LAMB1: variants seen among roughly 807,000 people sequenced by gnomAD.
LAMB1 encodes the protein laminin subunit beta-1.
In LAMB1, 121 loss-of-function variants were observed where a neutral mutation model predicts 222.3. That is an observed-to-expected ratio of 0.54 (90% CI 0.47 to 0.63). LAMB1 has a LOEUF of 0.63. Among genes scored for constraint, LAMB1 ranks in the 30% least tolerant of loss-of-function variants. LAMB1 has a pLI of 0.00. For synonymous variants in LAMB1, 794 were observed against 807.2 expected (o/e 0.98, Z 0.28); for missense variants, 2,172 against 2,240.8 (o/e 0.97, Z 0.62).
In LAMB1 at chr7:107,991,587, T is replaced by G. The variant is rs1459883558; in HGVS notation, c.423+3300A>C. 6.3e-5 allele frequency among the ~76,000 whole-genome samples: 8 copies of G among 127,410 alleles called. No homozygotes were observed. In the East Asian group the frequency reaches 1.9e-3, roughly 29 times the overall value. 83.6% of individuals were successfully genotyped at this position (127,410 alleles called of 152,430 possible). On this transcript the variant is annotated intron_variant, in intron 5 of 33. Coordinates refer to ENST00000222399, the MANE Select transcript of LAMB1 (RefSeq NM_002291.3). ...GGGCAACAAGAGTGAAACTCCATCCTCAAAAAAAAAAAAAAAATTACTAAA... is the reference window on the plus strand; with the variant it reads ...GGGCAACAAGAGTGAAACTCCATCCGCAAAAAAAAAAAAAAAATTACTAAA...
At chr7:107,940,674 GATCA>G in intron 24 of LAMB1, 1 of 282,692 alleles carries the variant, frequency 3.5e-6, no homozygotes, top group Non-Finnish European at 6.8e-6. Context: ...GGAACTCAGA[GATCA>G]GAGAGATTAT....
In LAMB1 at chr7:107,937,090, C is replaced by T. The variant is rs757183121; in HGVS notation, c.3946+3G>A. 1.9e-6 allele frequency: 3 copies of T among 1,612,278 alleles called. No individual in the cohort carries two copies. Among genetic ancestry groups the T allele is most frequent in the East Asian group, 2.2e-5 (1 of 44,838 alleles). On this transcript the variant is annotated splice_donor_region_variant and intron_variant, in intron 26 of 33. Coordinates refer to ENST00000222399, the MANE Select transcript of LAMB1 (RefSeq NM_002291.3). ...GGGACTATTTGCACCAAAAAATGCT[C>T]ACCCCGAATATCTGAGTTTTTGATA...
intron 13 of LAMB1, among the ~76,000 whole-genome samples, chr7:107,969,107 T>A (rs952712637): frequency 3.9e-5 from 6 of 151,918 alleles, no homozygotes; most frequent in African/African-American, 1.5e-4. Context: ...GCTAACACGG[T>A]GAAACCCCAT....
chr7:107,941,465 A>AT (rs1304073763), intron 24 of LAMB1, among the ~76,000 whole-genome samples: 7 of 152,060 alleles, frequency 4.6e-5, no homozygotes, highest in Admixed American at 2.0e-4. Context: ...ATCTTAAACC[A>AT]TTTTTCGTTT....
At chr7:108,002,499 G>A in intron 2 of LAMB1, 1 of 1,161,720 alleles carries the variant, frequency 8.6e-7, no homozygotes, top group Non-Finnish European at 1.1e-6. Flanking sequence ...TGGATTTTTG[G>A]AGAGCCCTCC....
At chr7:107,940,628 G>A (rs2032959170) in intron 24 of LAMB1, 2 of 426,802 alleles carry the variant, frequency 4.7e-6, no homozygotes, top group Non-Finnish European at 8.6e-6. Context: ...AACCCTATGG[G>A]ATACGTGTTA....
In LAMB1 at chr7:107,953,537, G is replaced by T; in HGVS notation, c.3072C>A (p.Asp1024Glu). The T allele has an allele frequency of 6.2e-7, 1 of 1,611,972 alleles. No individual in the cohort carries two copies. Among genetic ancestry groups the T allele is most frequent in the Middle Eastern group, 1.7e-4 (1 of 6,052 alleles). ...FGYYGDALQQDCRKCVCNYLG... is the reference protein window; with the variant it reads ...FGYYGDALQQECRKCVCNYLG... ...AATAAATGTGCATCTTACTTCGACA[G>T]TCCTGCTGGAGGGCATCACCATAGT... The change falls in exon 22 of 34, where the codon GAC (aspartate) becomes GAA (glutamate). Residue 1024 changes from aspartate (D) to glutamate (E), a missense_variant. Asp to Glu is a conservative substitution (Grantham distance 45, BLOSUM62 2). Transcript: ENST00000222399.
chr7:107,940,365 G>A lies in LAMB1; in HGVS notation c.3392-7C>T, dbSNP rs746966860. On this transcript the variant is annotated splice_region_variant and splice_polypyrimidine_tract_variant and intron_variant, in intron 24 of 33. Transcript: ENST00000222399. Reference sequence around the variant, plus strand: ...CTGGGGTCACAGTCACAGGCTAGAAGGGAATAAGCAATGCTAGCTGATCTA... The same window carrying A: ...CTGGGGTCACAGTCACAGGCTAGAAAGGAATAAGCAATGCTAGCTGATCTA... 6.8e-6 allele frequency: 11 copies of A among 1,606,794 alleles called. No homozygotes were observed. Among genetic ancestry groups the A allele is most frequent in the Non-Finnish European group, 5.1e-6 (6 of 1,174,032 alleles).
chr7:107,949,091 AAG>A (rs1330572294), intron 24 of LAMB1, among the ~76,000 whole-genome samples: 1 of 152,208 alleles, frequency 6.6e-6, no homozygotes, highest in African/African-American at 2.4e-5. Context: ...GAAAGGAACA[AAG>A]AAGTTGGCGA....
chr7:107,997,099 T>C (rs2034294245), intron 4 of LAMB1, among the ~76,000 whole-genome samples: 1 of 152,186 alleles, frequency 6.6e-6, no homozygotes, highest in African/African-American at 2.4e-5. Context: ...CAACTCTCCT[T>C]AGAAACCAAT....
Position 107,964,678 on chromosome 7 carries a change from C to T in LAMB1, c.1572G>A (p.Ala524=), listed in dbSNP as rs36063621. Residue 524 remains alanine (A), a synonymous_variant, in exon 14 of 34, where the codon GCG becomes GCA. Transcript: ENST00000222399. The stretch of plus-strand genomic sequence containing the variant: ...GCCGGCATGAGCACTGGCCTGACTC[C>T]GCAAAGCAACTGGAAGGGAGGAGGA... ...LGGALNNSCF[A]ESGQCSCRPH... 2.6e-3 allele frequency: 4,183 copies of T among 1,614,056 alleles called. 43 individuals carry two copies. The highest frequency in any genetic ancestry group is 0.014 in the South Asian group (1,310 of 91,066).
intron 29 of LAMB1, among the ~76,000 whole-genome samples, chr7:107,930,772 T>A (rs561584765): frequency 1.3e-5 from 2 of 152,350 alleles, no homozygotes; most frequent in Non-Finnish European, 2.9e-5. Flanking sequence ...AAAGCTGATA[T>A]GCTTAAGATG....
chr7:107,933,950 T>A (rs1229010378), intron 27 of LAMB1, among the ~76,000 whole-genome samples: 1 of 151,960 alleles, frequency 6.6e-6, no homozygotes, highest in Non-Finnish European at 1.5e-5. Flanking sequence ...CTTAGCTGTT[T>A]CTTGTAGGTC....
chr7:107,947,575 T>C (rs1416012105), intron 24 of LAMB1, among the ~76,000 whole-genome samples: 1 of 152,222 alleles, frequency 6.6e-6, no homozygotes, highest in Non-Finnish European at 1.5e-5. Context: ...TCTTGGCCCC[T>C]GCCTTCACAG....
In LAMB1 at chr7:107,964,420, T is replaced by C. The variant is rs148104093; in HGVS notation, c.1698+132A>G. On this transcript the variant is annotated intron_variant, in intron 14 of 33. Coordinates refer to ENST00000222399, the MANE Select transcript of LAMB1 (RefSeq NM_002291.3). ...TATGACTCTTCTCAGGAAGGCATGG[T>C]CCTGATCCTTATTTTGTGCTCACTG... The C allele has an allele frequency of 4.1e-4, 431 of 1,059,730 alleles. No homozygotes were observed. In the African/African-American group the frequency reaches 6.4e-3, roughly 16 times the overall value. 65.6% of individuals were successfully genotyped at this position (1,059,730 alleles called of 1,614,324 possible). A position where few individuals can be genotyped will look rare whatever the true frequency, so the allele number is the denominator to read the frequency against.
rs554118055 is a variant in LAMB1 at position 107,951,286 on chromosome 7, C to T, written c.3331G>A (p.Gly1111Ser). ...TCCTGGCACTCGCTGCAGGTGCGGC[C>T]TCCAAACCCAGGCATGCACTGGCAC... ...GQCQCMPGFG[G>S]RTCSECQELF... The change falls in exon 24 of 34, where the codon GGC becomes AGC. Residue 1111 changes from glycine (G) to serine (S), a missense_variant. By Grantham distance (56) the Gly-to-Ser change is moderately conservative. Transcript: ENST00000222399. 1 of 1,614,168 alleles carries T rather than the reference C, an allele frequency of 6.2e-7. No individual in the cohort carries two copies. The highest frequency in any genetic ancestry group is 1.7e-5 in the Admixed American group (1 of 60,030).
intron 5 of LAMB1, 113 bp from the exon 6 acceptor site, chr7:107,986,476 G>A (rs2034079682): frequency 2.5e-6 from 2 of 800,502 alleles, no homozygotes; most frequent in South Asian, 2.1e-5. Flanking sequence ...AACTGCATAT[G>A]GTTTGTATTT....
chr7:107,998,980 A>G (rs1241354098), intron 3 of LAMB1, among the ~76,000 whole-genome samples: 1 of 152,250 alleles, frequency 6.6e-6, no homozygotes, highest in African/African-American at 2.4e-5. Flanking sequence ...TTTGGGAACC[A>G]CAGAACAAGA....
Position 107,939,048 on chromosome 7 carries a change from C to T in LAMB1, c.3761+941G>A, listed in dbSNP as rs528466805. On this transcript the variant is annotated intron_variant, in intron 25 of 33. Transcript: ENST00000222399. ...TACTGTCATTTCGTCATATAAACACCTCAGTGTGCAGGATTTAACTGTGAA... is the reference window on the plus strand; with the variant it reads ...TACTGTCATTTCGTCATATAAACACTTCAGTGTGCAGGATTTAACTGTGAA... Among the ~76,000 whole-genome samples, 31 of 152,264 alleles carry T rather than the reference C, an allele frequency of 2.0e-4. No homozygotes were observed. In the South Asian group the frequency reaches 6.4e-3, roughly 32 times the overall value.
Sources: gnomAD v4.1 joint callset for allele counts (sites outside exome capture counted in the v4.1 genomes callset) on GRCh38, gnomAD v4.1.1 for gene constraint, MANE v1.5 for transcripts, NCBI Gene and HGNC (gene_info 2026-07-23, HGNC 2026-07-21) for gene names.